Variants in PSMD8 observed in about 807,000 individuals in gnomAD.
PSMD8 encodes 26S proteasome non-ATPase regulatory subunit 8.
PSMD8 carries 30 observed loss-of-function variants against 40.0 expected under a neutral mutation model. The observed-to-expected ratio is 0.75, with a 90% CI of 0.56 to 1.02. The LOEUF is 1.02. Among genes scored for constraint, PSMD8 ranks in the 50% least tolerant of loss-of-function variants. The pLI is 0.00. For synonymous variants in PSMD8, 208 were observed against 192.5 expected (o/e 1.08, Z -0.67); for missense variants, 461 against 463.9 (o/e 0.99, Z 0.06).
Position 38,374,737 on chromosome 19 carries a change from G to T in PSMD8, c.136G>T (p.Val46Phe). 6.4e-7 allele frequency: 1 copy of T among 1,552,614 alleles called. No homozygotes were observed. The highest frequency in any genetic ancestry group is 8.7e-7 in the Non-Finnish European group (1 of 1,152,430). Residue 46 changes from valine to phenylalanine, a missense_variant, in exon 1 of 7, where the codon GTT (valine) becomes TTT (phenylalanine). This residue lies in a region of PSMD8 where 225 missense variants were observed against 142.7 expected (regional missense o/e 1.58). Transcript: ENST00000215071. ...TSRPHFRRAS[V>F]CRRRCRKSGG... ...TCGGCCCCACTTCCGCCGGGCAAGC[G>T]TTTGTAGGCGGCGCTGCCGTAAATC...
intron 3 of PSMD8, among the ~76,000 whole-genome samples, chr19:38,377,645 C>T (rs933485195): frequency 3.9e-5 from 6 of 151,900 alleles, no homozygotes; most frequent in Non-Finnish European, 7.4e-5. Flanking sequence ...TACAGGCATG[C>T]GCCACCACGC....
rs1385550314 is a variant in PSMD8 at position 38,383,772 on chromosome 19, G to C, written c.*382G>C. 8.8e-6 allele frequency: 2 copies of C among 227,008 alleles called. No homozygotes were observed. Among genetic ancestry groups the C allele is most frequent in the African/African-American group, 4.4e-5 (2 of 45,066 alleles). 14.1% of individuals were successfully genotyped at this position (227,008 alleles called of 1,614,324 possible). ...ATTTTTTCAACAAAGGGGGTGAAGT[G>C]TCCTACTAAAAAGAATAAATGTTGG... On this transcript the variant is annotated 3_prime_UTR_variant, in exon 7 of 7. Transcript: ENST00000215071.
At chr19:38,380,771 A>G in intron 4 of PSMD8, 128 bp from the exon 5 acceptor site, 2 of 642,880 alleles carry the variant, frequency 3.1e-6, no homozygotes, top group Non-Finnish European at 5.2e-6. Flanking sequence ...GGGGGTACCC[A>G]GGGCAGGGGT....
chr19:38,383,552 T>C lies in PSMD8; in HGVS notation c.*162T>C. On this transcript the variant is annotated 3_prime_UTR_variant, in exon 7 of 7. Coordinates refer to ENST00000215071, the MANE Select transcript of PSMD8 (RefSeq NM_002812.5). ...TCTTATATCTGAAGAACTTGGAGGT[T>C]TTGGGGCATTCAGGAGTTGGAGATA... 1.0e-6 allele frequency: 1 copy of C among 990,304 alleles called. No individual in the cohort carries two copies. Among genetic ancestry groups the C allele is most frequent in the Non-Finnish European group, 1.5e-6 (1 of 680,156 alleles). 61.3% of individuals were successfully genotyped at this position (990,304 alleles called of 1,614,324 possible). A position where few individuals can be genotyped will look rare whatever the true frequency, so the allele number is the denominator to read the frequency against.
intron 6 of PSMD8, chr19:38,382,914 G>GA (rs113895207): frequency 0.047 from 8,509 of 182,040 alleles, 5 homozygotes; most frequent in South Asian, 0.096. Context: ...TCTGTCTGGG[G>GA]AAAAAAAAAA....
chr19:38,383,242 CT>C lies in PSMD8; in HGVS notation c.916-8del. ...TCACTCTACTCGTCTCTAATCCCTC[CT>C]TTCCTGCAGCGAGGGTGGGTCCTGG... On this transcript the variant is annotated splice_polypyrimidine_tract_variant and intron_variant, in intron 6 of 6. Coordinates refer to ENST00000215071, the MANE Select transcript of PSMD8 (RefSeq NM_002812.5). 5 of 1,612,334 alleles carry C rather than the reference CT, an allele frequency of 3.1e-6. No individual in the cohort carries two copies. Among genetic ancestry groups the C allele is most frequent in the Non-Finnish European group, 4.2e-6 (5 of 1,179,868 alleles).
chr19:38,381,840 G>A (rs1970643122), intron 5 of PSMD8, among the ~76,000 whole-genome samples: 1 of 152,186 alleles, frequency 6.6e-6, no homozygotes, highest in Non-Finnish European at 1.5e-5. Flanking sequence ...TCCCAAGCTG[G>A]GTTTCAGACC....
chr19:38,374,735 G>T lies in PSMD8; in HGVS notation c.134G>T (p.Ser45Ile). Residue 45 changes from serine (S) to isoleucine (I), a missense_variant, in exon 1 of 7, where the codon AGC becomes ATC. By Grantham distance (142) the Ser-to-Ile change is moderately radical. Transcript: ENST00000215071. The part of the protein sequence containing the change: ...STSRPHFRRA[S>I]VCRRRCRKSG... ...TCTCGGCCCCACTTCCGCCGGGCAA[G>T]CGTTTGTAGGCGGCGCTGCCGTAAA... is the stretch of plus-strand genomic sequence containing the variant. 3 of 1,551,792 alleles carry T rather than the reference G, an allele frequency of 1.9e-6. No homozygotes were observed. The highest frequency in any genetic ancestry group is 2.6e-6 in the Non-Finnish European group (3 of 1,151,958).
At chr19:38,375,211 C>T (rs1970588427) in intron 1 of PSMD8, 2 of 566,186 alleles carry the variant, frequency 3.5e-6, no homozygotes, top group South Asian at 2.1e-5. Flanking sequence ...GAGGCCGAGG[C>T]GGGGGAGCGT....
At chr19:38,380,729 T>TGTGC (rs1555743518) in intron 4 of PSMD8, among the ~76,000 whole-genome samples, 170 bp from the exon 5 acceptor site, 17 of 150,034 alleles carry the variant, frequency 1.1e-4, no homozygotes, top group African/African-American at 3.0e-4. Context: ...TGTGTGTGTG[T>TGTGC]GCGCATAAAC....
At chr19:38,376,632 T>C (rs1970600766) in intron 3 of PSMD8, among the ~76,000 whole-genome samples, 178 bp downstream of exon 3, 1 of 152,120 alleles carries the variant, frequency 6.6e-6, no homozygotes, top group Non-Finnish European at 1.5e-5. Flanking sequence ...GCTTGACTAG[T>C]CAGTCTCCCC....
At chr19:38,382,449 G>A (rs1970649349) in intron 6 of PSMD8, 1 of 589,058 alleles carries the variant, frequency 1.7e-6, no homozygotes, top group African/African-American at 1.9e-5. Flanking sequence ...GCTGGAGGTG[G>A]GCGCTGCACG....
chr19:38,380,880 C>G lies in PSMD8; in HGVS notation c.703-19C>G, dbSNP rs201626576. On this transcript the variant is annotated intron_variant, in intron 4 of 6. Transcript: ENST00000215071. Reference sequence around the variant, plus strand: ...CCTCCTCTTCATTCTCTCTTCTTCCCCCTTCCCGGCTTCTGCAGTACCTGA... The same window carrying G: ...CCTCCTCTTCATTCTCTCTTCTTCCGCCTTCCCGGCTTCTGCAGTACCTGA... 1.3e-6 allele frequency: 2 copies of G among 1,539,558 alleles called. No homozygotes were observed. Among genetic ancestry groups the G allele is most frequent in the Non-Finnish European group, 1.8e-6 (2 of 1,137,620 alleles).
intron 3 of PSMD8, among the ~76,000 whole-genome samples, chr19:38,378,878 G>A (rs118052193): frequency 0.022 from 3,328 of 151,612 alleles, 49 homozygotes; most frequent in South Asian, 0.045. Flanking sequence ...GCTTGAACCC[G>A]GCAAGCGGAG....
rs186122919 is a variant in PSMD8 at position 38,378,064 on chromosome 19, G to A, written c.537-1176G>A. 3.7e-3 allele frequency among the ~76,000 whole-genome samples: 558 copies of A among 152,282 alleles called. 6 individuals carry two copies. Among genetic ancestry groups the A allele is most frequent in the African/African-American group, 0.012 (518 of 41,556 alleles). ...CCTTGTTCATTCAACCCATCTCTAC[G>A]AAATGGATACTGTGAGGCCGGGCAT... On this transcript the variant is annotated intron_variant, in intron 3 of 6. Coordinates refer to ENST00000215071, the MANE Select transcript of PSMD8 (RefSeq NM_002812.5).
intron 4 of PSMD8, among the ~76,000 whole-genome samples, chr19:38,379,966 AAAAT>A (rs1970626199): frequency 6.6e-6 from 1 of 152,170 alleles, no homozygotes; most frequent in Non-Finnish European, 1.5e-5. Flanking sequence ...CTCTATTTAG[AAAAT>A]AAATGAATAA....
At chr19:38,379,035 ACTCG>A (rs1434618528) in intron 3 of PSMD8, among the ~76,000 whole-genome samples, 3 of 152,172 alleles carry the variant, frequency 2.0e-5, no homozygotes, top group Non-Finnish European at 4.4e-5. Flanking sequence ...AAGTGAGGTC[ACTCG>A]CTCTTGTATG....
At chr19:38,379,606 C>G (rs1970623714) in intron 4 of PSMD8, among the ~76,000 whole-genome samples, 1 of 152,196 alleles carries the variant, frequency 6.6e-6, no homozygotes, top group Non-Finnish European at 1.5e-5. Flanking sequence ...GTGAGCCAAG[C>G]AGGTGAAATT....
Position 38,374,709 on chromosome 19 carries a change from C to G in PSMD8, c.108C>G (p.Thr36=). ...CCCCGCCCCGGGCCTTGGGCTCCAC[C>G]TCTCGGCCCCACTTCCGCCGGGCAA... ...VVAPPRALGS[T]SRPHFRRASV... is the part of the protein sequence containing the mutation. The change falls in exon 1 of 7, where the codon ACC becomes ACG. Residue 36 remains threonine (T), a synonymous_variant. Coordinates refer to ENST00000215071, the MANE Select transcript of PSMD8 (RefSeq NM_002812.5). 2 of 1,545,448 alleles carry G rather than the reference C, an allele frequency of 1.3e-6. No individual in the cohort carries two copies. Among genetic ancestry groups the G allele is most frequent in the Middle Eastern group, 3.5e-4 (2 of 5,702 alleles).
Sources: gnomAD v4.1 joint callset for allele counts (sites outside exome capture counted in the v4.1 genomes callset) on GRCh38, gnomAD v4.1.1 for gene constraint, gnomAD v4.1.1 regional missense constraint, MANE v1.5 for transcripts, NCBI Gene and HGNC (gene_info 2026-07-23, HGNC 2026-07-21) for gene names.